Variants in SORBS2 observed in about 807,000 individuals in gnomAD.
SORBS2 encodes sorbin and SH3 domain-containing protein 2.
A neutral mutation model predicts 97.7 loss-of-function variants in SORBS2; 46 were observed. The observed-to-expected ratio is 0.47, with a 90% CI of 0.37 to 0.60. The LOEUF is 0.60. Ranked by LOEUF, SORBS2 falls within the 20% of genes least tolerant of loss-of-function variation. SORBS2 has a pLI of 0.00. For synonymous variants in SORBS2, 476 were observed against 473.4 expected (o/e 1.01, Z -0.07); for missense variants, 1,316 against 1,282.3 (o/e 1.03, Z -0.40).
chr4:185,612,895 T>C (rs1443299626), intron 11 of SORBS2, among the ~76,000 whole-genome samples: 1 of 152,154 alleles, frequency 6.6e-6, no homozygotes, highest in Non-Finnish European at 1.5e-5. Flanking sequence ...AGACTGGCAT[T>C]CCCCTGGTCT....
At chr4:185,815,885 A>G (rs1326690012) in intron 1 of SORBS2, among the ~76,000 whole-genome samples, 2 of 152,230 alleles carry the variant, frequency 1.3e-5, no homozygotes, top group African/African-American at 4.8e-5. Context: ...TGTTTTCAAG[A>G]TACAAAGTTT....
upstream of SORBS2, among the ~76,000 whole-genome samples, chr4:185,661,749 C>A (rs2097525606): frequency 1.3e-5 from 2 of 152,166 alleles, no homozygotes; most frequent in African/African-American, 4.8e-5. Context: ...AGGAAATAGT[C>A]CATGGTGGAA....
At chr4:185,747,828 G>A (rs998176096) in intron 2 of SORBS2, among the ~76,000 whole-genome samples, 48 of 151,976 alleles carry the variant, frequency 3.2e-4, no homozygotes, top group Non-Finnish European at 5.6e-4. Flanking sequence ...CGTCTCTACC[G>A]AAAATACAAA....
At chr4:185,747,426 A>G (rs2098769197) in intron 2 of SORBS2, among the ~76,000 whole-genome samples, 1 of 152,256 alleles carries the variant, frequency 6.6e-6, no homozygotes, top group Non-Finnish European at 1.5e-5. Context: ...GAGTGTAAGC[A>G]TTAGTCAATA....
intron 1 of SORBS2, among the ~76,000 whole-genome samples, chr4:185,955,466 A>G (rs184166632): frequency 1.3e-5 from 2 of 152,230 alleles, no homozygotes; most frequent in Non-Finnish European, 2.9e-5. Context: ...GCCAAGAGAC[A>G]AAAGAAGGAA....
rs1206275528 is a variant in SORBS2, at chr4:185,623,297, C to T, written c.1832G>A (p.Arg611Gln). The change falls in exon 7 of 15, where the codon CGG becomes CAG. Residue 611 changes from arginine (R) to glutamine (Q), a missense_variant. By Grantham distance (43) the Arg-to-Gln change is conservative. Transcript: ENST00000418609. This position sits in a 1 kb window ranked among gnomAD's most constrained non-coding sequence, Gnocchi z 6.4. ...CTTAGGAGCCGAATTTTTTTTCCTCCGGAAAGGCACAGGACTGACTAGAAA... is the reference window on the plus strand; with the variant it reads ...CTTAGGAGCCGAATTTTTTTTCCTCTGGAAAGGCACAGGACTGACTAGAAA... 1.9e-5 allele frequency: 30 copies of T among 1,613,974 alleles called. No homozygotes were observed. Among genetic ancestry groups the T allele is most frequent in the Non-Finnish European group, 2.4e-5 (28 of 1,179,996 alleles).
At chr4:185,596,742 C>T (rs1267541329) in intron 12 of SORBS2, among the ~76,000 whole-genome samples, 10 of 151,946 alleles carry the variant, frequency 6.6e-5, no homozygotes, top group Admixed American at 6.6e-4. Context: ...ACCATGTTAG[C>T]CAGGATGGTC....
In SORBS2 at chr4:185,678,551, T is replaced by C; in HGVS notation, c.-170-4A>G. Reference sequence around the variant, plus strand: ...CCATCATTGTAAGATCTCCAAGCTTTCATTAAGGGAAAACAATTGGATACA... The same window carrying C: ...CCATCATTGTAAGATCTCCAAGCTTCCATTAAGGGAAAACAATTGGATACA... On this transcript the variant is annotated splice_region_variant and splice_polypyrimidine_tract_variant and intron_variant, in intron 3 of 20. Coordinates refer to the SORBS2 transcript ENST00000284776. 6.5e-7 allele frequency: 1 copy of C among 1,533,216 alleles called. No homozygotes were observed. The highest frequency in any genetic ancestry group is 8.8e-7 in the Non-Finnish European group (1 of 1,140,846). The allele number at this position is 1,533,216 out of a possible 1,614,324, so 95.0% of individuals were successfully genotyped here. A position where few individuals can be genotyped will look rare whatever the true frequency, so the allele number is the denominator to read the frequency against.
In SORBS2 at chr4:185,928,574, T is replaced by C. The variant is rs533451508; in HGVS notation, c.-338+27622A>G. Among the ~76,000 whole-genome samples the C allele has an allele frequency of 9.9e-5, 15 of 152,018 alleles. No individual in the cohort carries two copies. In the South Asian group the frequency reaches 1.7e-3, roughly 17 times the overall value. ...CTTCTTCTTTTTTTTGAGACGGAGTTTTGCTCTGTTGCCCAGGCTGGAGTG... is the reference window on the plus strand; with the variant it reads ...CTTCTTCTTTTTTTTGAGACGGAGTCTTGCTCTGTTGCCCAGGCTGGAGTG... On this transcript the variant is annotated intron_variant, in intron 1 of 20. Coordinates refer to the SORBS2 transcript ENST00000284776.
At chr4:185,740,866 C>T (rs1198395044) in intron 2 of SORBS2, among the ~76,000 whole-genome samples, 2 of 152,142 alleles carry the variant, frequency 1.3e-5, no homozygotes, top group South Asian at 4.2e-4. Flanking sequence ...AGCACCAACT[C>T]GAACCAGCAC....
intron 1 of SORBS2, among the ~76,000 whole-genome samples, chr4:185,780,916 T>G (rs547452367): frequency 1.1e-3 from 168 of 152,284 alleles, no homozygotes; most frequent in South Asian, 6.4e-3. Context: ...TAGTTGAAAC[T>G]TTGTTTCATT....
intron 4 of SORBS2, among the ~76,000 whole-genome samples, chr4:185,671,635 G>C (rs1294592172): frequency 1.3e-5 from 2 of 152,224 alleles, no homozygotes; most frequent in African/African-American, 4.8e-5. Context: ...GAAGGAACAG[G>C]AATGCTCTGC....
At chr4:185,934,551 A>C (rs930093680) in intron 1 of SORBS2, among the ~76,000 whole-genome samples, 1 of 152,126 alleles carries the variant, frequency 6.6e-6, no homozygotes, top group Non-Finnish European at 1.5e-5. Context: ...ACCTGAGGTC[A>C]GGAGTTCGAC....
rs78078161 is a variant in SORBS2 at position 185,721,849 on chromosome 4, G to T, written c.-197-43027C>A. Among the ~76,000 whole-genome samples the T allele has an allele frequency of 7.6e-4, 116 of 152,288 alleles. 1 individual carries two copies. The South Asian group carries it at 0.024, about 31-fold the overall frequency. The stretch of plus-strand genomic sequence containing the variant: ...CTTAGGAATTACAGACTTTGGTTCC[G>T]TATAATTAGGCCCTGTGTTGCTCAA... On this transcript the variant is annotated intron_variant, in intron 2 of 20. Transcript: ENST00000284776.
At chr4:185,869,919 A>G (rs2099229454) in intron 1 of SORBS2, among the ~76,000 whole-genome samples, 1 of 152,246 alleles carries the variant, frequency 6.6e-6, no homozygotes, top group Non-Finnish European at 1.5e-5. Flanking sequence ...ATTTATTAAC[A>G]TTTTCTTCAA....
At chr4:185,953,523 C>T (rs1218403820) in intron 1 of SORBS2, among the ~76,000 whole-genome samples, 2 of 152,290 alleles carry the variant, frequency 1.3e-5, no homozygotes, top group African/African-American at 4.8e-5. Context: ...GTGTACTTCC[C>T]AAGGCTATTT....
intron 1 of SORBS2, among the ~76,000 whole-genome samples, chr4:185,934,692 G>A (rs1305229073): frequency 6.6e-6 from 1 of 151,438 alleles, no homozygotes; most frequent in Non-Finnish European, 1.5e-5. Context: ...GTTGAGGCAA[G>A]AGAATCGCTT....
intron 4 of SORBS2, among the ~76,000 whole-genome samples, chr4:185,662,911 G>A (rs148658199): frequency 1.1e-4 from 16 of 152,260 alleles, no homozygotes; most frequent in African/African-American, 3.1e-4. Flanking sequence ...CGATTGTTCC[G>A]TATCTGACTA....
At chr4:185,921,947 G>A (rs56126108) in intron 1 of SORBS2, among the ~76,000 whole-genome samples, 27,874 of 152,182 alleles carry the variant, frequency 0.18, 3,397 homozygotes, top group Non-Finnish European at 0.27. Flanking sequence ...TGCCAATCAC[G>A]TAAGCCACAC....
Sources: allele counts gnomAD v4.1 joint callset (sites outside exome capture counted in the v4.1 genomes callset), GRCh38; gene constraint gnomAD v4.1.1; non-coding constraint Gnocchi (gnomAD v3.1); transcripts MANE v1.5; gene names NCBI Gene and HGNC (gene_info 2026-07-23, HGNC 2026-07-21).